Variants in CDH23 observed in about 807,000 individuals in gnomAD.
The protein encoded by CDH23 is cadherin-23.
CDH23 carries 189 observed loss-of-function variants against 317.1 expected under a neutral mutation model. The observed-to-expected ratio is 0.60, with a 90% CI of 0.53 to 0.67. CDH23 has a LOEUF of 0.67. Ranked by LOEUF, CDH23 falls within the 30% of genes least tolerant of loss-of-function variation. The probability of loss-of-function intolerance (pLI) is 0.00; values close to 1 mark genes in which losing one functional copy is unlikely to be tolerated. For missense variants in CDH23, 4,401 were observed against 4,592.4 expected (o/e 0.96, Z 1.20); for synonymous variants, 1,839 against 1,876.8 (o/e 0.98, Z 0.52).
At chr10:71,567,249 C>T (rs1028799474) in intron 7 of CDH23, among the ~76,000 whole-genome samples, 7 of 152,202 alleles carry the variant, frequency 4.6e-5, no homozygotes, top group African/African-American at 1.7e-4. Flanking sequence ...TCCATGGTCA[C>T]CCAGGAGCCC....
intron 38 of CDH23, among the ~76,000 whole-genome samples, chr10:71,766,288 G>A (rs536817981): frequency 1.3e-5 from 2 of 152,252 alleles, no homozygotes; most frequent in African/African-American, 4.8e-5. Context: ...AATGACCCGG[G>A]GCCTGGGCCT....
At chr10:71,755,821 G>A (rs1840127902) in intron 38 of CDH23, among the ~76,000 whole-genome samples, 1 of 152,158 alleles carries the variant, frequency 6.6e-6, no homozygotes. Flanking sequence ...CAGGGCCTTC[G>A]CAGACCCCAT....
rs756184489 is a variant in CDH23, at chr10:71,741,776, T to C, written c.4700T>C (p.Ile1567Thr). The change falls in exon 38 of 70, where the codon ATC (isoleucine) becomes ACC (threonine). Residue 1567 changes from isoleucine to threonine, a missense_variant. By Grantham distance (89) the Ile-to-Thr change is moderately conservative (BLOSUM62 -1). This residue lies in a region of CDH23 where 3,068 missense variants were observed against 3,203.3 expected (regional missense o/e 0.96). Transcript: ENST00000224721. ...IGINSVLSYY[I>T]TEGNKDMAFR... ...ATCAACAGTGTTCTGTCCTACTACA[T>C]CACCGAGGGCAACAAGGACATGGCC... 1.0e-4 allele frequency: 163 copies of C among 1,612,652 alleles called. No homozygotes were observed. Among genetic ancestry groups the C allele is most frequent in the Non-Finnish European group, 1.3e-4 (157 of 1,179,456 alleles).
rs1248650205 is a variant in CDH23, at chr10:71,813,246, C to T, written c.9636C>T (p.Gly3212=). 14 of 1,551,568 alleles carry T rather than the reference C, an allele frequency of 9.0e-6. No individual in the cohort carries two copies. Among genetic ancestry groups the T allele is most frequent in the Non-Finnish European group, 1.1e-5 (13 of 1,146,948 alleles). The change falls in exon 69 of 70, where the codon GGC becomes GGT. Residue 3212 remains glycine (G), a splice_region_variant and synonymous_variant. Coordinates refer to ENST00000224721, the MANE Select transcript of CDH23 (RefSeq NM_022124.6). The part of the protein sequence containing the change: ...GQIIREGPIK[G]SLLKVVLEDY... Reference sequence around the variant, plus strand: ...GGTTAACCCTTTCCCTCCCCCAGGGCTCGCTGCTGAAGGTGGTCCTGGAGG... The same window carrying T: ...GGTTAACCCTTTCCCTCCCCCAGGGTTCGCTGCTGAAGGTGGTCCTGGAGG...
At chr10:71,545,105 C>T (rs765097184) in intron 6 of CDH23, among the ~76,000 whole-genome samples, 19 of 152,220 alleles carry the variant, frequency 1.2e-4, no homozygotes, top group Non-Finnish European at 1.9e-4. Flanking sequence ...AGGCCAGAAG[C>T]ACCAGATGCA....
intron 26 of CDH23, among the ~76,000 whole-genome samples, chr10:71,708,726 C>T (rs575071104): frequency 6.8e-4 from 103 of 152,330 alleles, no homozygotes; most frequent in Non-Finnish European, 1.0e-3. Flanking sequence ...TTCTGCAGGA[C>T]GGGCAGGGAG....
intron 9 of CDH23, among the ~76,000 whole-genome samples, chr10:71,580,103 C>T (rs1187258547): frequency 6.6e-6 from 1 of 152,234 alleles, no homozygotes; most frequent in African/African-American, 2.4e-5. Context: ...CAGGTTCATG[C>T]TGGGTGCCAG....
chr10:71,807,331 A>G lies in CDH23; in HGVS notation c.8233A>G (p.Thr2745Ala). ...AGTGCCTGAGCACTCACCACGCGGC[A>G]CCCTCGTGGGCAACGTGACAGGCGC... ...LTVPEHSPRG[T>A]LVGNVTGAVD... The change falls in exon 58 of 70, where the codon ACC (threonine) becomes GCC (alanine). Residue 2745 changes from threonine (T) to alanine (A), a missense_variant. Around this residue, in one of 3 missense-constraint regions of CDH23, gnomAD observed 1,144 missense variants for 1,138.2 expected, o/e 1.01. Transcript: ENST00000224721. 3 of 1,613,858 alleles carry G rather than the reference A, an allele frequency of 1.9e-6. No homozygotes were observed. Among genetic ancestry groups the G allele is most frequent in the Non-Finnish European group, 2.5e-6 (3 of 1,179,828 alleles).
At chr10:71,521,313 A>G (rs895751717) in intron 6 of CDH23, among the ~76,000 whole-genome samples, 8 of 151,936 alleles carry the variant, frequency 5.3e-5, no homozygotes, top group African/African-American at 1.5e-4. Flanking sequence ...CCCTCTCCCA[A>G]TCCTGCTCCC....
chr10:71,607,325 G>C (rs539155955), intron 9 of CDH23, among the ~76,000 whole-genome samples: 2 of 152,338 alleles, frequency 1.3e-5, no homozygotes, highest in Admixed American at 6.5e-5. Context: ...TAGCTTCCTG[G>C]AAGCTGAGTT....
Position 71,590,454 on chromosome 10 carries a change from C to T in CDH23, c.832+12462C>T, listed in dbSNP as rs187914959. Among the ~76,000 whole-genome samples, 1,335 of 152,278 alleles carry T rather than the reference C, an allele frequency of 8.8e-3. 30 individuals carry two copies. Among genetic ancestry groups the T allele is most frequent in the Middle Eastern group, 0.024 (7 of 294 alleles). On this transcript the variant is annotated intron_variant, in intron 9 of 69. Coordinates refer to ENST00000224721, the MANE Select transcript of CDH23 (RefSeq NM_022124.6). ...CTCCTACCCCCTTTGACTGCCAGTT[C>T]GTGAGGATCTCCCCGCCCTCACTTG... is the stretch of plus-strand genomic sequence containing the variant.
chr10:71,528,880 G>A (rs922043596), intron 6 of CDH23, among the ~76,000 whole-genome samples: 1 of 152,194 alleles, frequency 6.6e-6, no homozygotes, highest in African/African-American at 2.4e-5. Flanking sequence ...AGGTCTTTGA[G>A]CAGGGGGATG....
chr10:71,437,467 T>C (rs950919829), intron 1 of CDH23, among the ~76,000 whole-genome samples: 2 of 152,238 alleles, frequency 1.3e-5, no homozygotes, highest in Non-Finnish European at 2.9e-5. Context: ...TTCTAAGCAA[T>C]GTTGGCCTGG....
At chr10:71,603,620 G>A (rs895143628) in intron 9 of CDH23, among the ~76,000 whole-genome samples, 2 of 152,190 alleles carry the variant, frequency 1.3e-5, no homozygotes, top group East Asian at 1.9e-4. Flanking sequence ...AGCAGGGGGG[G>A]CCTCCTTTTC....
At chr10:71,680,008 C>T (rs1864547786) in intron 17 of CDH23, among the ~76,000 whole-genome samples, 1 of 152,244 alleles carries the variant, frequency 6.6e-6, no homozygotes, top group Admixed American at 6.5e-5. Flanking sequence ...GGCCCAGAGA[C>T]AGGGAGCAAC....
chr10:71,422,969 G>A (rs1298892843), intron 1 of CDH23, among the ~76,000 whole-genome samples: 2 of 151,858 alleles, frequency 1.3e-5, no homozygotes, highest in African/African-American at 2.4e-5. Context: ...GGGAGGAGGG[G>A]TTGTGCTTGG....
intron 6 of CDH23, among the ~76,000 whole-genome samples, chr10:71,547,945 C>G (rs531047778): frequency 2.5e-3 from 379 of 152,286 alleles, no homozygotes; most frequent in Non-Finnish European, 4.5e-3. Context: ...TGACTCCAGC[C>G]GGGAACAGGA....
chr10:71,792,813 C>A (rs1841286871), intron 47 of CDH23, among the ~76,000 whole-genome samples: 2 of 91,238 alleles, frequency 2.2e-5, no homozygotes, highest in Non-Finnish European at 2.0e-5. Context: ...CAGTGTAAGA[C>A]TCCATCTAAA....
intron 14 of CDH23, among the ~76,000 whole-genome samples, chr10:71,658,292 TGGAGAG>T (rs1255944640): frequency 1.3e-5 from 2 of 150,772 alleles, no homozygotes; most frequent in Non-Finnish European, 3.0e-5. Flanking sequence ...GAGCGAGAGA[TGGAGAG>T]AGAGAGAGAG....
Sources: gnomAD v4.1 joint callset for allele counts (sites outside exome capture counted in the v4.1 genomes callset) on GRCh38, gnomAD v4.1.1 for gene constraint, gnomAD v4.1.1 regional missense constraint, MANE v1.5 for transcripts, NCBI Gene and HGNC (gene_info 2026-07-23, HGNC 2026-07-21) for gene names.